NBL1: variants seen among roughly 807,000 people sequenced by gnomAD.
NBL1 encodes the protein neuroblastoma suppressor of tumorigenicity 1.
In NBL1, 9 loss-of-function variants were observed where a neutral mutation model predicts 16.0. The ratio of observed to expected loss-of-function variants is 0.56; its 90% CI spans 0.34 to 0.98. NBL1 has a LOEUF of 0.98. NBL1 is among the 50% of genes least tolerant of loss of function. NBL1 has a pLI of 0.02. For synonymous variants in NBL1, 86 were observed against 100.7 expected (o/e 0.85, Z 0.87); for missense variants, 196 against 243.1 (o/e 0.81, Z 1.29).
chr1:19,646,456 A>C (rs912232069), intron 1 of NBL1, among the ~76,000 whole-genome samples: 1 of 152,194 alleles, frequency 6.6e-6, no homozygotes, highest in Non-Finnish European at 1.5e-5. Context: ...GAGCCCAGGA[A>C]ACCCGGTTGG....
Position 19,655,150 on chromosome 1 carries a change from C to T in NBL1, c.120C>T (p.Ile40=). ...DKSAWCEAKN[I]TQIVGHSGCE... ...GTGCCTGGTGCGAAGCCAAGAACAT[C>T]ACCCAGATCGTGGGCCACAGCGGCT... Residue 40 remains isoleucine, a synonymous_variant, in exon 2 of 4, where the codon ATC becomes ATT. Coordinates refer to ENST00000375136, the MANE Select transcript of NBL1 (RefSeq NM_005380.8). The T allele has an allele frequency of 1.2e-6, 2 of 1,610,764 alleles. No individual in the cohort carries two copies. Among genetic ancestry groups the T allele is most frequent in the Non-Finnish European group, 8.5e-7 (1 of 1,178,674 alleles).
At chr1:19,645,418 C>T (rs2094972813) in intron 1 of NBL1, 6 of 987,508 alleles carry the variant, frequency 6.1e-6, no homozygotes, top group African/African-American at 1.7e-5. Flanking sequence ...TTGGCGTGGC[C>T]GGAGGTTGGC....
At chr1:19,653,051 G>A (rs1163243696) in intron 1 of NBL1, among the ~76,000 whole-genome samples, 1 of 151,726 alleles carries the variant, frequency 6.6e-6, no homozygotes, top group Admixed American at 6.6e-5. Flanking sequence ...ACTTTGGGAG[G>A]CTGAGGCGGG....
intron 1 of NBL1, among the ~76,000 whole-genome samples, chr1:19,651,112 A>T (rs1271348916): frequency 6.6e-6 from 1 of 152,200 alleles, no homozygotes; most frequent in Non-Finnish European, 1.5e-5. Flanking sequence ...AATGCTTCCC[A>T]TGTTAGGGTT....
chr1:19,649,122 AG>A (rs1312177017), intron 1 of NBL1, among the ~76,000 whole-genome samples: 2 of 152,054 alleles, frequency 1.3e-5, no homozygotes, highest in Non-Finnish European at 2.9e-5. Context: ...TTGACCTGCA[AG>A]GGTAGCTGGG....
chr1:19,654,738 A>G (rs1363739499), intron 1 of NBL1, among the ~76,000 whole-genome samples: 1 of 152,082 alleles, frequency 6.6e-6, no homozygotes, highest in Non-Finnish European at 1.5e-5. Flanking sequence ...AGGAAGTTGT[A>G]AAACCAACCA....
upstream of NBL1, chr1:19,643,431 T>C: frequency 6.2e-7 from 1 of 1,611,570 alleles, no homozygotes; most frequent in Non-Finnish European, 8.5e-7. This position sits in a 1 kb window ranked among gnomAD's most constrained non-coding sequence, Gnocchi z 4.7. Flanking sequence ...CCCCAAGTCC[T>C]ACAATCGTGT....
At chr1:19,643,636 T>C, upstream of NBL1, 4 of 1,324,736 alleles carry the variant, frequency 3.0e-6, no homozygotes, top group Non-Finnish European at 3.9e-6. The surrounding 1 kb of genome is among the most constrained non-coding windows in gnomAD (Gnocchi z 4.7). Context: ...GTGAGTTCAT[T>C]TGCTGGCTTT....
intron 1 of NBL1, among the ~76,000 whole-genome samples, chr1:19,654,707 G>T (rs1220448627): frequency 6.6e-6 from 1 of 152,040 alleles, no homozygotes; most frequent in East Asian, 1.9e-4. Flanking sequence ...GAGATAAAAA[G>T]TAACTTGCTC....
At chr1:19,656,421 C>T (rs2095056718) in intron 3 of NBL1, among the ~76,000 whole-genome samples, 1 of 149,776 alleles carries the variant, frequency 6.7e-6, no homozygotes, top group African/African-American at 2.5e-5. Context: ...GTGGGGGGAA[C>T]CTTCCAGGCA....
intron 3 of NBL1, 118 bp downstream of exon 3, chr1:19,655,553 T>A (rs1046492416): frequency 3.3e-5 from 39 of 1,168,346 alleles, no homozygotes; most frequent in Non-Finnish European, 4.2e-5. Flanking sequence ...AAGGCCCCAC[T>A]GTGTGCAGGG....
chr1:19,647,894 C>CGT (rs1426622996), intron 1 of NBL1, among the ~76,000 whole-genome samples: 1 of 99,496 alleles, frequency 1.0e-5, no homozygotes, highest in Non-Finnish European at 2.1e-5. Context: ...CGTGTGCGCG[C>CGT]GTGTGTGTGC....
At chr1:19,647,899 GTGTGCGTGCT>G (rs957960591) in intron 1 of NBL1, among the ~76,000 whole-genome samples, 4 of 100,430 alleles carry the variant, frequency 4.0e-5, no homozygotes, top group Admixed American at 1.8e-4. Flanking sequence ...GCGCGCGTGT[GTGTGCGTGCT>G]TGTGCGGATG....
intron 1 of NBL1, among the ~76,000 whole-genome samples, chr1:19,647,882 T>TGTGTGTGTGTGC (rs1273943458): frequency 2.7e-3 from 373 of 137,182 alleles, no homozygotes; most frequent in Middle Eastern, 7.0e-3. Flanking sequence ...TGTGTGTGTG[T>TGTGTGTGTGTGC]GCGTGTGCGC....
intron 1 of NBL1, among the ~76,000 whole-genome samples, chr1:19,649,687 C>G (rs1446182589): frequency 6.6e-6 from 1 of 151,830 alleles, no homozygotes; most frequent in Non-Finnish European, 1.5e-5. Context: ...TGTATTTTTA[C>G]TACACCTTTT....
chr1:19,647,953 A>G (rs568081272), intron 1 of NBL1, among the ~76,000 whole-genome samples: 3 of 152,062 alleles, frequency 2.0e-5, no homozygotes, highest in South Asian at 2.1e-4. Context: ...GCATGCTTAT[A>G]TATGCGTCTG....
chr1:19,654,475 C>T (rs1444922209), intron 1 of NBL1, among the ~76,000 whole-genome samples: 1 of 152,170 alleles, frequency 6.6e-6, no homozygotes, highest in Non-Finnish European at 1.5e-5. Context: ...AGAATCCTGA[C>T]AATGGTTGCA....
At position 19,657,068 on chromosome 1, in the gene NBL1, C is replaced by T. The variant is rs1294420748; in HGVS notation, c.485C>T (p.Thr162Ile). The T allele has an allele frequency of 1.3e-6, 2 of 1,535,638 alleles. No individual in the cohort carries two copies. Among genetic ancestry groups the T allele is most frequent in the South Asian group, 1.2e-5 (1 of 82,948 alleles). ...PHPHPHPGGQ[T>I]PEPEDPPGAP... Reference sequence around the variant, plus strand: ...CCCCACCCCCATCCTGGCGGGCAGACCCCTGAGCCCGAGGACCCCCCTGGG... The same window carrying T: ...CCCCACCCCCATCCTGGCGGGCAGATCCCTGAGCCCGAGGACCCCCCTGGG... The change falls in exon 4 of 4, where the codon ACC becomes ATC. Residue 162 changes from threonine (T) to isoleucine (I), a missense_variant. Thr to Ile is a moderately conservative substitution (Grantham distance 89, BLOSUM62 -1). Transcript: ENST00000375136.
At chr1:19,643,695 G>A, upstream of NBL1, 1 of 1,177,910 alleles carries the variant, frequency 8.5e-7, no homozygotes, top group South Asian at 1.9e-5. The surrounding 1 kb of genome is among the most constrained non-coding windows in gnomAD (Gnocchi z 4.7). Flanking sequence ...TAAGCCAAGG[G>A]CGTGGGGCCG....
Sources: gnomAD v4.1 joint callset for allele counts (sites outside exome capture counted in the v4.1 genomes callset) on GRCh38, gnomAD v4.1.1 for gene constraint, Gnocchi (gnomAD v3.1) non-coding constraint, MANE v1.5 for transcripts, NCBI Gene and HGNC (gene_info 2026-07-23, HGNC 2026-07-21) for gene names.